The following PRDM1 variants were observed in gnomAD, a reference collection of about 807,000 sequenced individuals.
PRDM1 encodes the protein PR domain zinc finger protein 1.
Under a neutral mutation model 62.8 loss-of-function variants are expected in PRDM1, and 13 were observed. That is an observed-to-expected ratio of 0.21 (90% CI 0.13 to 0.33). The LOEUF is 0.33. Among genes scored for constraint, PRDM1 ranks in the 10% least tolerant of loss-of-function variants. PRDM1 has a pLI of 1.00. For missense variants in PRDM1, 895 were observed against 1,058.8 expected, an observed-to-expected ratio of 0.85 and a Z score of 2.15; for synonymous variants, 396 against 417.6, an observed-to-expected ratio of 0.95 and a Z score of 0.63.
rs1772322056 is a variant in PRDM1, at chr6:105,994,507, G to A, written c.-67+868G>A. On this transcript the variant is annotated intron_variant, in intron 1 of 6. Coordinates refer to the PRDM1 transcript ENST00000652320. The surrounding 1 kb of genome is among the most constrained non-coding windows in gnomAD (Gnocchi z 4.1). ...AGCTCGAGCCCCCTTTTAAAAAGTC[G>A]CTCACCAAAAACGGGGTGGGGGATG... Among the ~76,000 whole-genome samples, 1 of 152,248 alleles carries A rather than the reference G, an allele frequency of 6.6e-6. No individual in the cohort carries two copies. Among genetic ancestry groups the A allele is most frequent in the South Asian group, 2.1e-4 (1 of 4,828 alleles).
At chr6:106,051,353 G>T (rs1004830341) in intron 1 of PRDM1, among the ~76,000 whole-genome samples, 3 of 152,262 alleles carry the variant, frequency 2.0e-5, no homozygotes, top group Non-Finnish European at 4.4e-5. Context: ...TAGGGACTAA[G>T]CTTGTAGACC....
At chr6:106,009,591 A>T (rs1772521314) in intron 1 of PRDM1, among the ~76,000 whole-genome samples, 1 of 152,234 alleles carries the variant, frequency 6.6e-6, no homozygotes, top group Non-Finnish European at 1.5e-5. Context: ...AACTGTATCA[A>T]GGTGGAAACC....
At chr6:106,071,495 T>C (rs753707118) in intron 1 of PRDM1, among the ~76,000 whole-genome samples, 2 of 152,164 alleles carry the variant, frequency 1.3e-5, no homozygotes, top group Non-Finnish European at 2.9e-5. Flanking sequence ...TTTGCATTGA[T>C]TTTCTGGTAC....
intron 1 of PRDM1, among the ~76,000 whole-genome samples, chr6:106,035,445 G>A (rs895180450): frequency 2.0e-5 from 3 of 151,974 alleles, no homozygotes; most frequent in African/African-American, 7.3e-5. Flanking sequence ...AACATAGTGA[G>A]ACCCCCCTCC....
At chr6:106,079,813 C>CA (rs202238972) in intron 1 of PRDM1, among the ~76,000 whole-genome samples, 12 of 151,794 alleles carry the variant, frequency 7.9e-5, no homozygotes, top group East Asian at 3.9e-4. Flanking sequence ...AAACAAACAA[C>CA]AAAAAAAACC....
At chr6:106,096,495 A>G (rs927033624) in intron 3 of PRDM1, among the ~76,000 whole-genome samples, 2 of 152,250 alleles carry the variant, frequency 1.3e-5, no homozygotes, top group Non-Finnish European at 2.9e-5. Context: ...AAGGAAGGAT[A>G]GCTGGAAGAT....
rs2114653614 is a variant in PRDM1 at position 106,105,262 on chromosome 6, C to G, written c.1102C>G (p.Gln368Glu). ...NTVSPVGPGS[Q>E]EHRDSYAYLN... ...GGTGTCCCCTGTGGGCCCCGGCTCT[C>G]AAGAGCACCGGGACTCCTACGCTTA... Residue 368 changes from glutamine to glutamate, a missense_variant, in exon 5 of 7, where the codon CAA (glutamine) becomes GAA (glutamate). Transcript: ENST00000369096. 2 of 1,613,872 alleles carry G rather than the reference C, an allele frequency of 1.2e-6. No individual in the cohort carries two copies. Among genetic ancestry groups the G allele is most frequent in the Non-Finnish European group, 1.7e-6 (2 of 1,179,986 alleles).
intron 2 of PRDM1, among the ~76,000 whole-genome samples, chr6:106,093,936 A>G (rs1040159382): frequency 1.3e-5 from 2 of 152,180 alleles, no homozygotes; most frequent in African/African-American, 4.8e-5. Context: ...AGTATGCTTC[A>G]TTGATTTGTA....
At chr6:106,065,403 C>T (rs945108851) in intron 1 of PRDM1, among the ~76,000 whole-genome samples, 15 of 152,178 alleles carry the variant, frequency 9.9e-5, no homozygotes, top group African/African-American at 3.4e-4. Context: ...AGTATATTTT[C>T]AGAGAGCATC....
chr6:106,081,192 G>A (rs1773688946), intron 1 of PRDM1, among the ~76,000 whole-genome samples: 1 of 152,176 alleles, frequency 6.6e-6, no homozygotes, highest in South Asian at 2.1e-4. Flanking sequence ...TCCAAACTCA[G>A]ACACGAATTT....
At chr6:106,093,550 A>C (rs1774016002) in intron 2 of PRDM1, among the ~76,000 whole-genome samples, 2 of 152,212 alleles carry the variant, frequency 1.3e-5, no homozygotes, top group Admixed American at 1.3e-4. Flanking sequence ...TAATCACTGA[A>C]ATATGAATGT....
rs758086529 is a variant in PRDM1, at chr6:106,107,231, G to T, written c.2223G>T (p.Arg741=). The T allele has an allele frequency of 5.6e-5, 90 of 1,614,108 alleles. No individual in the cohort carries two copies. Among genetic ancestry groups the T allele is most frequent in the Non-Finnish European group, 7.5e-5 (88 of 1,180,050 alleles). ...EKFDISDNAD[R]LEDVEDDISV... is the part of the protein sequence containing the mutation. ...TTGACATCAGTGACAATGCTGACCG[G>T]CTCGAGGACGTGGAGGATGACATCA... The change falls in exon 7 of 7, where the codon CGG becomes CGT. Residue 741 remains arginine (R), a synonymous_variant. Transcript: ENST00000369096.
intron 1 of PRDM1, among the ~76,000 whole-genome samples, chr6:106,076,677 A>T (rs898679739): frequency 6.6e-6 from 1 of 152,216 alleles, no homozygotes; most frequent in African/African-American, 2.4e-5. Flanking sequence ...AAGATGTACA[A>T]CTGTTTCCTA....
Position 106,106,248 on chromosome 6 carries a change from C to CT in PRDM1, c.1774-118dup. The CT allele has an allele frequency of 1.4e-6, 2 of 1,402,716 alleles. No individual in the cohort carries two copies. Among genetic ancestry groups the CT allele is most frequent in the Non-Finnish European group, 1.9e-6 (2 of 1,037,434 alleles). The allele number at this position is 1,402,716 out of a possible 1,614,324, so 86.9% of individuals were successfully genotyped here. A position where few individuals can be genotyped will look rare whatever the true frequency, so the allele number is the denominator to read the frequency against. On this transcript the variant is annotated intron_variant, in intron 5 of 6. Coordinates refer to ENST00000369096, the MANE Select transcript of PRDM1 (RefSeq NM_001198.4). This position sits in a 1 kb window ranked among gnomAD's most constrained non-coding sequence, Gnocchi z 4.4. ...CATTCTGAAAACATGAAGATTTCTT[C>CT]TTTTTAAGACTGTCTTGATGCTTTT... is the stretch of plus-strand genomic sequence containing the variant.
chr6:105,998,890 CATATAT>C (rs202209129), intron 1 of PRDM1, among the ~76,000 whole-genome samples: 27 of 100,196 alleles, frequency 2.7e-4, no homozygotes, highest in East Asian at 5.8e-4. Flanking sequence ...AAAGTTAATA[CATATAT>C]ATATATATAT....
chr6:106,094,608 AAAG>A (rs1193631000), intron 2 of PRDM1, among the ~76,000 whole-genome samples: 5 of 152,170 alleles, frequency 3.3e-5, no homozygotes, highest in Non-Finnish European at 7.3e-5. Context: ...ACTTAATTTC[AAAG>A]GAGGGCTTTT....
chr6:106,028,654 C>A (rs1420127142), intron 1 of PRDM1, among the ~76,000 whole-genome samples: 1 of 152,106 alleles, frequency 6.6e-6, no homozygotes, highest in Non-Finnish European at 1.5e-5. Context: ...CAATGAACTG[C>A]ACATATTTAA....
At chr6:106,048,591 C>T (rs1355958772) in exon 1 of PRDM1, among the ~76,000 whole-genome samples, 4 of 152,114 alleles carry the variant, frequency 2.6e-5, no homozygotes, top group Middle Eastern at 3.2e-3. Context: ...CCTGGTTGCA[C>T]TGATATCCTT....
rs118039567 is a variant in PRDM1, at chr6:106,090,049, T to C, written c.291+1600T>C. Among the ~76,000 whole-genome samples the C allele has an allele frequency of 8.2e-3, 1,242 of 152,334 alleles. 10 individuals carry two copies. The highest frequency in any genetic ancestry group is 0.013 in the Non-Finnish European group (879 of 68,026). On this transcript the variant is annotated intron_variant, in intron 2 of 6. Coordinates refer to ENST00000369096, the MANE Select transcript of PRDM1 (RefSeq NM_001198.4). ...ATCATAGCTAAGTCAAGTAATGCTC[T>C]TAGATCATTTAGTTCAAGGTTCAGA...
Sources: gnomAD v4.1 joint callset for allele counts (sites outside exome capture counted in the v4.1 genomes callset) on GRCh38, gnomAD v4.1.1 for gene constraint, Gnocchi (gnomAD v3.1) non-coding constraint, MANE v1.5 for transcripts, NCBI Gene and HGNC (gene_info 2026-07-23, HGNC 2026-07-21) for gene names.